Variants in CS observed in about 807,000 individuals in gnomAD.
CS encodes the protein citrate synthase, mitochondrial.
In CS, 13 loss-of-function variants were observed where a neutral mutation model predicts 61.4. That is an observed-to-expected ratio of 0.21 (90% CI 0.14 to 0.34). CS has a LOEUF of 0.34. Ranked by LOEUF, CS falls within the 10% of genes least tolerant of loss-of-function variation. The pLI is 1.00. For synonymous variants in CS, 159 were observed against 215.2 expected, an observed-to-expected ratio of 0.74 and a Z score of 2.29; for missense variants, 278 against 573.4, an observed-to-expected ratio of 0.48 and a Z score of 5.26.
intron 6 of CS, 97 bp downstream of exon 6, chr12:56,282,323 G>C (rs912950971): frequency 3.5e-5 from 35 of 1,001,394 alleles, no homozygotes; most frequent in Non-Finnish European, 4.7e-5. Flanking sequence ...TTAACTCAGA[G>C]GTAATTTTTC....
rs185573267 is a variant in CS, at chr12:56,272,269, G to A, written c.*815C>T. ...AGGTAGTGGCTTGTATTCTGTGGAAGTAAAAAACTTAGTTCACATTAAGCA... is the reference window on the plus strand; with the variant it reads ...AGGTAGTGGCTTGTATTCTGTGGAAATAAAAAACTTAGTTCACATTAAGCA... On this transcript the variant is annotated 3_prime_UTR_variant, in exon 11 of 11. Coordinates refer to ENST00000351328, the MANE Select transcript of CS (RefSeq NM_004077.3). The A allele has an allele frequency of 1.1e-4, 20 of 185,796 alleles. No homozygotes were observed. The highest frequency in any genetic ancestry group is 9.4e-4 in the South Asian group (10 of 10,678). 11.5% of individuals were successfully genotyped at this position (185,796 alleles called of 1,614,324 possible).
intron 1 of CS, chr12:56,291,265 C>T: frequency 1.8e-6 from 2 of 1,106,914 alleles, no homozygotes; most frequent in Non-Finnish European, 2.2e-6. Flanking sequence ...AGGAAAGAGG[C>T]AGTCAAGCCT....
chr12:56,295,250 C>T (rs956853015), intron 1 of CS, among the ~76,000 whole-genome samples: 6 of 151,878 alleles, frequency 4.0e-5, no homozygotes, highest in Admixed American at 2.6e-4. Flanking sequence ...TGGCCGGGCA[C>T]GGTGGCTCAT....
chr12:56,281,718 GC>G, intron 6 of CS, among the ~76,000 whole-genome samples: 1 of 152,022 alleles, frequency 6.6e-6, no homozygotes, highest in Non-Finnish European at 1.5e-5. Context: ...TCACTATGTT[GC>G]CCAGGCTGAT....
At chr12:56,274,083 G>A in intron 9 of CS, 1 of 414,592 alleles carries the variant, frequency 2.4e-6, no homozygotes, top group Admixed American at 3.8e-5. Flanking sequence ...GGAGGCTGAG[G>A]TGGGCAGATC....
At chr12:56,278,514 G>C (rs184305086) in intron 6 of CS, among the ~76,000 whole-genome samples, 7 of 151,982 alleles carry the variant, frequency 4.6e-5, no homozygotes, top group Admixed American at 6.6e-5. Flanking sequence ...TGAGGAGCGC[G>C]GATCAAGAGG....
chr12:56,297,924 C>T (rs1873355727), intron 1 of CS, among the ~76,000 whole-genome samples: 1 of 152,158 alleles, frequency 6.6e-6, no homozygotes, highest in African/African-American at 2.4e-5. Context: ...CTTCTTGGTA[C>T]CCTGGTCATA....
chr12:56,297,977 T>C (rs887241462), intron 1 of CS, among the ~76,000 whole-genome samples: 1 of 151,940 alleles, frequency 6.6e-6, no homozygotes, highest in Non-Finnish European at 1.5e-5. Flanking sequence ...AAACTCATTA[T>C]TGGGCTTTGC....
intron 1 of CS, chr12:56,291,344 T>G: frequency 1.1e-6 from 1 of 904,460 alleles, no homozygotes; most frequent in Non-Finnish European, 1.3e-6. Flanking sequence ...TTTCTTTCTT[T>G]CTTTCTTTCT....
chr12:56,283,013 T>C (rs745722509), intron 4 of CS, 22 bp from the exon 5 acceptor site: 1 of 1,613,294 alleles, frequency 6.2e-7, no homozygotes, highest in Non-Finnish European at 8.5e-7. Context: ...AGAGAGAGAA[T>C]TACAACTCAA....
intron 2 of CS, 45 bp downstream of exon 2, chr12:56,286,550 T>C (rs774455396): frequency 6.3e-7 from 1 of 1,591,604 alleles, no homozygotes; most frequent in South Asian, 1.1e-5. Flanking sequence ...AAGGTCAGGC[T>C]GGCCGCAATG....
intron 1 of CS, among the ~76,000 whole-genome samples, chr12:56,289,688 C>T (rs938292383): frequency 3.0e-4 from 46 of 152,070 alleles, no homozygotes; most frequent in African/African-American, 1.1e-3. Flanking sequence ...GTGATCTGCC[C>T]GCCTCGGCCT....
At chr12:56,294,172 C>T (rs1033438546) in intron 1 of CS, among the ~76,000 whole-genome samples, 1 of 152,070 alleles carries the variant, frequency 6.6e-6, no homozygotes, top group South Asian at 2.1e-4. Flanking sequence ...AGTCTCTTCA[C>T]GTGAATAGTC....
At chr12:56,278,945 T>C (rs1872698554) in intron 6 of CS, among the ~76,000 whole-genome samples, 1 of 151,940 alleles carries the variant, frequency 6.6e-6, no homozygotes, top group Non-Finnish European at 1.5e-5. Context: ...AGCTAATTTT[T>C]GTATTATTTT....
At chr12:56,299,314 A>G (rs529138954) in intron 1 of CS, among the ~76,000 whole-genome samples, 2 of 152,290 alleles carry the variant, frequency 1.3e-5, no homozygotes, top group South Asian at 2.1e-4. Flanking sequence ...TATGTCCCAA[A>G]AGGCAATCAA....
At chr12:56,282,647 A>G in intron 5 of CS, 39 bp from the exon 6 acceptor site, 1 of 1,561,148 alleles carries the variant, frequency 6.4e-7, no homozygotes, top group Non-Finnish European at 8.7e-7. Context: ...ACCAGCAAGG[A>G]CAAGGAAGGA....
intron 1 of CS, among the ~76,000 whole-genome samples, chr12:56,299,274 T>TC (rs1290682872): frequency 1.3e-5 from 2 of 152,114 alleles, no homozygotes; most frequent in Admixed American, 6.6e-5. Flanking sequence ...AATTTGAAAT[T>TC]GAAGGCATCA....
intron 6 of CS, among the ~76,000 whole-genome samples, chr12:56,278,685 C>T (rs7300931): frequency 6.6e-6 from 1 of 150,778 alleles, no homozygotes; most frequent in Non-Finnish European, 1.5e-5. Flanking sequence ...TGCAGTGAGC[C>T]GAGGTCGTGC....
intron 1 of CS, among the ~76,000 whole-genome samples, chr12:56,292,730 C>CAAAAAAAAA (rs531365770): frequency 3.7e-4 from 21 of 56,878 alleles, no homozygotes; most frequent in Non-Finnish European, 6.0e-4. Flanking sequence ...TAAAAAAATA[C>CAAAAAAAAA]AAAAAAAAAA....
Sources: gnomAD v4.1 joint callset for allele counts (sites outside exome capture counted in the v4.1 genomes callset) on GRCh38, gnomAD v4.1.1 for gene constraint, MANE v1.5 for transcripts, NCBI Gene and HGNC (gene_info 2026-07-23, HGNC 2026-07-21) for gene names.